The following LRRIQ1 variants were observed in gnomAD, a reference collection of about 807,000 sequenced individuals.
LRRIQ1 encodes the protein leucine-rich repeat- and IQ domain-containing protein 1.
In LRRIQ1, 210 loss-of-function variants were observed where a neutral mutation model predicts 211.9. That is an observed-to-expected ratio of 0.99 (90% CI 0.89 to 1.11). The LOEUF (loss-of-function observed/expected upper bound fraction) is 1.11. Among genes scored for constraint, LRRIQ1 ranks in the 50% most tolerant of loss-of-function variants. The pLI, the probability that LRRIQ1 is intolerant of heterozygous loss-of-function variation, is 0.00. For missense variants in LRRIQ1, 2,136 were observed against 1,939.5 expected (o/e 1.10, Z -1.90); for synonymous variants, 699 against 650.1 (o/e 1.08, Z -1.14).
chr12:85,090,095 C>A lies in LRRIQ1; in HGVS notation c.2888-8260C>A, dbSNP rs537424284. ...CAAAGGAGCCCAGGCACAGCTTGGACTTCCACTTTGCCTAATGCACATCAT... is the reference window on the plus strand; with the variant it reads ...CAAAGGAGCCCAGGCACAGCTTGGAATTCCACTTTGCCTAATGCACATCAT... On this transcript the variant is annotated intron_variant, in intron 11 of 26. Transcript: ENST00000393217. 4.5e-4 allele frequency among the ~76,000 whole-genome samples: 69 copies of A among 152,334 alleles called. 2 individuals are homozygous for A. In the South Asian group the frequency reaches 0.014, roughly 31 times the overall value.
intron 26 of LRRIQ1, among the ~76,000 whole-genome samples, chr12:85,237,079 T>A (rs1895223468): frequency 6.6e-6 from 1 of 151,964 alleles, no homozygotes. Flanking sequence ...GTTTAAAAAT[T>A]AATGACCAAA....
chr12:85,112,150 A>C (rs1244478077), intron 15 of LRRIQ1, among the ~76,000 whole-genome samples: 1 of 151,966 alleles, frequency 6.6e-6, no homozygotes, highest in East Asian at 1.9e-4. Context: ...AGATTAAATA[A>C]ATATTGTTCA....
chr12:85,099,032 T>C, intron 13 of LRRIQ1, 38 bp downstream of exon 13: 1 of 1,396,548 alleles, frequency 7.2e-7, no homozygotes, highest in Non-Finnish European at 9.7e-7. Context: ...AGTGAATGAT[T>C]GTTTAAAATA....
chr12:85,111,347 A>G (rs966172794), intron 15 of LRRIQ1, among the ~76,000 whole-genome samples: 1 of 152,040 alleles, frequency 6.6e-6, no homozygotes, highest in Non-Finnish European at 1.5e-5. Context: ...GGTTCCATTC[A>G]TGTAACTGGT....
At chr12:85,141,206 A>T (rs1315763800) in intron 19 of LRRIQ1, among the ~76,000 whole-genome samples, 1 of 151,366 alleles carries the variant, frequency 6.6e-6, no homozygotes, top group East Asian at 1.9e-4. Context: ...GTTTCATGTG[A>T]ACATAAAAGG....
Position 85,098,906 on chromosome 12 carries a change from C to T in LRRIQ1, c.3121C>T (p.His1041Tyr). ...LENLVLLREL[H>Y]LDDNSISTVE... Reference sequence around the variant, plus strand: ...GAATCTTGTTTTACTAAGAGAATTGCACTTGGATGATAACAGCATTTCAAC... The same window carrying T: ...GAATCTTGTTTTACTAAGAGAATTGTACTTGGATGATAACAGCATTTCAAC... The change falls in exon 13 of 27, where the codon CAC becomes TAC. Residue 1041 changes from histidine to tyrosine, a missense_variant. Transcript: ENST00000393217. The T allele has an allele frequency of 1.3e-6, 2 of 1,569,282 alleles. No homozygotes were observed. The highest frequency in any genetic ancestry group is 1.7e-6 in the Non-Finnish European group (2 of 1,156,048).
At chr12:85,188,471 C>T (rs1225017672) in intron 24 of LRRIQ1, among the ~76,000 whole-genome samples, 1 of 152,012 alleles carries the variant, frequency 6.6e-6, no homozygotes, top group Non-Finnish European at 1.5e-5. Flanking sequence ...AATATAAAAA[C>T]CTTTGATTGT....
intron 11 of LRRIQ1, among the ~76,000 whole-genome samples, chr12:85,076,077 C>T (rs1160347203): frequency 2.0e-5 from 3 of 151,926 alleles, no homozygotes; most frequent in Admixed American, 6.6e-5. Flanking sequence ...TTTTATACTA[C>T]ATTAAAACTC....
intron 3 of LRRIQ1, among the ~76,000 whole-genome samples, chr12:85,044,344 A>G (rs1268248499): frequency 6.6e-5 from 10 of 152,132 alleles, no homozygotes; most frequent in Admixed American, 5.9e-4. Context: ...AATGTTTTCA[A>G]TATCTTGTGC....
At chr12:85,080,348 CAT>C (rs1415063630) in intron 11 of LRRIQ1, among the ~76,000 whole-genome samples, 3 of 151,614 alleles carry the variant, frequency 2.0e-5, no homozygotes, top group Non-Finnish European at 4.4e-5. Context: ...TCCAAATACA[CAT>C]GTTTTTATGA....
intron 24 of LRRIQ1, among the ~76,000 whole-genome samples, chr12:85,204,823 T>C (rs188880944): frequency 6.6e-6 from 1 of 152,320 alleles, no homozygotes; most frequent in East Asian, 1.9e-4. Flanking sequence ...GACTTTGGAC[T>C]GTGGACTTTT....
At chr12:85,225,810 C>T (rs1043900676) in intron 24 of LRRIQ1, among the ~76,000 whole-genome samples, 2 of 152,206 alleles carry the variant, frequency 1.3e-5, no homozygotes, top group Admixed American at 6.5e-5. Context: ...CACCCTTATT[C>T]TTCCTACACA....
intron 4 of LRRIQ1, among the ~76,000 whole-genome samples, chr12:85,045,551 A>G (rs73379739): frequency 0.017 from 2,509 of 152,020 alleles, 69 homozygotes; most frequent in African/African-American, 0.058. Flanking sequence ...CAACTAAAGT[A>G]TGGTGAAAAT....
At chr12:85,042,634 A>T (rs1326666760) in intron 3 of LRRIQ1, among the ~76,000 whole-genome samples, 2 of 150,840 alleles carry the variant, frequency 1.3e-5, no homozygotes, top group African/African-American at 2.4e-5. Flanking sequence ...AATTTAAATT[A>T]TTTATTACAT....
At chr12:85,140,699 C>T (rs572955486) in intron 19 of LRRIQ1, among the ~76,000 whole-genome samples, 8 of 151,160 alleles carry the variant, frequency 5.3e-5, no homozygotes, top group African/African-American at 1.9e-4. Context: ...CAATATTTCA[C>T]CACTAAGTAA....
At chr12:85,149,750 A>G (rs1016057484) in intron 19 of LRRIQ1, among the ~76,000 whole-genome samples, 2 of 151,628 alleles carry the variant, frequency 1.3e-5, no homozygotes, top group African/African-American at 2.4e-5. Context: ...TTGCGATTAT[A>G]TAATTACCAA....
chr12:85,119,041 C>T (rs1207964584), intron 15 of LRRIQ1, among the ~76,000 whole-genome samples: 1 of 152,064 alleles, frequency 6.6e-6, no homozygotes, highest in Admixed American at 6.6e-5. Context: ...CCGTAGTTTA[C>T]ATTAGGGTTC....
chr12:85,201,989 A>G (rs1188972308), intron 24 of LRRIQ1, among the ~76,000 whole-genome samples: 1 of 152,000 alleles, frequency 6.6e-6, no homozygotes, highest in African/African-American at 2.4e-5. Context: ...AGTATGTTGT[A>G]TTTTTGTTCT....
chr12:85,039,516 CAT>C (rs1385325073), intron 2 of LRRIQ1, among the ~76,000 whole-genome samples: 1 of 151,552 alleles, frequency 6.6e-6, no homozygotes, highest in East Asian at 1.9e-4. Context: ...CATTTTATGA[CAT>C]ATAATTTTAC....
Sources: allele counts gnomAD v4.1 joint callset (sites outside exome capture counted in the v4.1 genomes callset), GRCh38; gene constraint gnomAD v4.1.1; transcripts MANE v1.5; gene names NCBI Gene and HGNC (gene_info 2026-07-23, HGNC 2026-07-21).